The following GABRA2 variants were observed in gnomAD, a reference collection of about 807,000 sequenced individuals.
The protein encoded by GABRA2 is gamma-aminobutyric acid type A receptor subunit alpha2.
Under a neutral mutation model 48.7 loss-of-function variants are expected in GABRA2, and 16 were observed. The ratio of observed to expected loss-of-function variants is 0.33; its 90% CI spans 0.22 to 0.50. The LOEUF (loss-of-function observed/expected upper bound fraction) is 0.50, where lower values mean the gene tolerates loss of function less well. GABRA2 is among the 20% of genes least tolerant of loss of function. The probability of loss-of-function intolerance (pLI) is 0.98; values close to 1 mark genes in which losing one functional copy is unlikely to be tolerated. For synonymous variants in GABRA2, 185 were observed against 184.5 expected, an observed-to-expected ratio of 1.00 and a Z score of -0.02; for missense variants, 275 against 535.6, an observed-to-expected ratio of 0.51 and a Z score of 4.80.
intron 6 of GABRA2, among the ~76,000 whole-genome samples, chr4:46,309,445 C>G (rs780761072): frequency 1.3e-5 from 2 of 152,016 alleles, no homozygotes; most frequent in African/African-American, 2.4e-5. Flanking sequence ...CAATAGGACA[C>G]CCTCACACAA....
At chr4:46,262,440 T>C (rs1309551148) in intron 8 of GABRA2, among the ~76,000 whole-genome samples, 2 of 152,110 alleles carry the variant, frequency 1.3e-5, no homozygotes, top group Middle Eastern at 6.4e-3. Flanking sequence ...GAAGTAGAAT[T>C]ACCTACAAGG....
At chr4:46,306,129 A>C (rs951514689) in intron 6 of GABRA2, among the ~76,000 whole-genome samples, 1 of 152,212 alleles carries the variant, frequency 6.6e-6, no homozygotes, top group African/African-American at 2.4e-5. Context: ...TAATTTTTGG[A>C]CATAAATGTA....
At chr4:46,264,531 T>C (rs2109362858) in intron 8 of GABRA2, among the ~76,000 whole-genome samples, 1 of 152,190 alleles carries the variant, frequency 6.6e-6, no homozygotes, top group East Asian at 1.9e-4. Context: ...CTGGGATAAA[T>C]CCCACTTTGT....
intron 4 of GABRA2, among the ~76,000 whole-genome samples, chr4:46,325,210 G>A (rs940453957): frequency 2.6e-5 from 4 of 151,984 alleles, no homozygotes; most frequent in Non-Finnish European, 4.4e-5. Context: ...CCCACCAGCA[G>A]TATGTAAGCA....
intron 9 of GABRA2, among the ~76,000 whole-genome samples, chr4:46,257,017 AT>A (rs928934006): frequency 3.3e-5 from 5 of 151,590 alleles, no homozygotes; most frequent in South Asian, 2.1e-4. Context: ...AAGTAAATAC[AT>A]TTTTTTATCA....
chr4:46,343,828 A>G (rs1225087467), intron 3 of GABRA2, among the ~76,000 whole-genome samples: 1 of 151,996 alleles, frequency 6.6e-6, no homozygotes, highest in Non-Finnish European at 1.5e-5. Flanking sequence ...GTATATCTGT[A>G]TCTAATTGGG....
chr4:46,310,449 A>C (rs976314116), intron 5 of GABRA2, among the ~76,000 whole-genome samples, 194 bp from the exon 6 acceptor site: 6 of 152,206 alleles, frequency 3.9e-5, no homozygotes, highest in African/African-American at 1.4e-4. Flanking sequence ...AATTCTCAGT[A>C]TAACTGAAAA....
At chr4:46,377,574 C>G (rs1181058913) in intron 3 of GABRA2, among the ~76,000 whole-genome samples, 1 of 151,920 alleles carries the variant, frequency 6.6e-6, no homozygotes, top group Non-Finnish European at 1.5e-5. Flanking sequence ...GGCGTCTCTG[C>G]CCGGCAGCCA....
At chr4:46,361,413 TG>T (rs1294020797) in intron 3 of GABRA2, among the ~76,000 whole-genome samples, 1 of 152,164 alleles carries the variant, frequency 6.6e-6, no homozygotes, top group African/African-American at 2.4e-5. Flanking sequence ...TTCCACATGG[TG>T]TTGAGTCTAT....
At chr4:46,266,259 T>G (rs1287487070) in intron 8 of GABRA2, among the ~76,000 whole-genome samples, 2 of 148,568 alleles carry the variant, frequency 1.3e-5, no homozygotes, top group African/African-American at 2.4e-5. Context: ...TTTCAATATT[T>G]TAATATTTTA....
intron 8 of GABRA2, among the ~76,000 whole-genome samples, chr4:46,277,463 T>C (rs1720715207): frequency 6.6e-6 from 1 of 152,144 alleles, no homozygotes; most frequent in African/African-American, 2.4e-5. Context: ...TATGTACTCA[T>C]TGATTTCCTA....
intron 8 of GABRA2, among the ~76,000 whole-genome samples, chr4:46,289,734 T>C (rs1723221989): frequency 6.6e-6 from 1 of 152,028 alleles, no homozygotes; most frequent in Non-Finnish European, 1.5e-5. Context: ...AAATCAATTG[T>C]CCGTACATGT....
rs1727403233 is a variant in GABRA2, at chr4:46,310,195, T to C, written c.537A>G (p.Ser179=). ...HLEDFPMDAH[S]CPLKFGSYAY... is the part of the protein sequence containing the mutation. Reference sequence around the variant, plus strand: ...TACAGCTGCCAAATTTCAGAGGACATGAATGAGCATCCATTGGGAAATCCT... The same window carrying C: ...TACAGCTGCCAAATTTCAGAGGACACGAATGAGCATCCATTGGGAAATCCT... The change falls in exon 6 of 10, where the codon TCA becomes TCG. Residue 179 remains serine, a synonymous_variant. Coordinates refer to ENST00000381620, the MANE Select transcript of GABRA2 (RefSeq NM_000807.4). 1 of 1,613,574 alleles carries C rather than the reference T, an allele frequency of 6.2e-7. No homozygotes were observed. Among genetic ancestry groups the C allele is most frequent in the Non-Finnish European group, 8.5e-7 (1 of 1,179,580 alleles).
At chr4:46,346,362 C>A (rs371207499) in intron 3 of GABRA2, among the ~76,000 whole-genome samples, 1 of 151,416 alleles carries the variant, frequency 6.6e-6, no homozygotes, top group East Asian at 1.9e-4. Flanking sequence ...TGTATTTGGA[C>A]AGTCAACAAA....
At position 46,265,779 on chromosome 4, in the gene GABRA2, G is replaced by C. The variant is rs146965225; in HGVS notation, c.857-3651C>G. On this transcript the variant is annotated intron_variant, in intron 8 of 9. Coordinates refer to ENST00000381620, the MANE Select transcript of GABRA2 (RefSeq NM_000807.4). ...AGGAAGATGGTTAAGTTATTGATTTGAGAATTTTTTTTCTCTTTTTAACAT... is the reference window on the plus strand; with the variant it reads ...AGGAAGATGGTTAAGTTATTGATTTCAGAATTTTTTTTCTCTTTTTAACAT... Among the ~76,000 whole-genome samples the C allele has an allele frequency of 2.7e-3, 414 of 151,678 alleles. 5 individuals are homozygous for C. The highest frequency in any genetic ancestry group is 9.7e-3 in the African/African-American group (400 of 41,424).
intron 2 of GABRA2, chr4:46,386,607 A>G (rs1336140634): frequency 6.4e-6 from 1 of 155,444 alleles, no homozygotes; most frequent in Non-Finnish European, 1.4e-5. Context: ...ATTGGAAAAT[A>G]AATTGCTTTT....
chr4:46,377,252 G>C (rs1289243384), intron 3 of GABRA2, among the ~76,000 whole-genome samples: 1 of 150,856 alleles, frequency 6.6e-6, no homozygotes, highest in Non-Finnish European at 1.5e-5. Context: ...AAAGTGAGGA[G>C]CATCTCTGCC....
chr4:46,326,116 G>A (rs913461742), intron 4 of GABRA2, among the ~76,000 whole-genome samples: 3 of 151,894 alleles, frequency 2.0e-5, no homozygotes, highest in Admixed American at 2.0e-4. Flanking sequence ...TATGTTAAAA[G>A]TGATATTGAT....
intron 9 of GABRA2, among the ~76,000 whole-genome samples, chr4:46,254,257 G>A (rs1715373268): frequency 6.6e-6 from 1 of 151,346 alleles, no homozygotes; most frequent in Non-Finnish European, 1.5e-5. Flanking sequence ...CCATCAGCAG[G>A]TTGAATCCTT....
Sources: allele counts gnomAD v4.1 joint callset (sites outside exome capture counted in the v4.1 genomes callset), GRCh38; gene constraint gnomAD v4.1.1; transcripts MANE v1.5; gene names NCBI Gene and HGNC (gene_info 2026-07-23, HGNC 2026-07-21).